STAG1: variants seen among roughly 807,000 people sequenced by gnomAD.
The protein encoded by STAG1 is cohesin subunit SA-1.
STAG1 carries 26 observed loss-of-function variants against 170.9 expected under a neutral mutation model. The ratio of observed to expected loss-of-function variants is 0.15; its 90% CI spans 0.11 to 0.21. The LOEUF (loss-of-function observed/expected upper bound fraction) is 0.21, where lower values mean the gene tolerates loss of function less well. STAG1 is among the 10% of genes least tolerant of loss of function. The pLI, the probability that STAG1 is intolerant of heterozygous loss-of-function variation, is 1.00. For missense variants in STAG1, 964 were observed against 1,509.5 expected, an observed-to-expected ratio of 0.64 and a Z score of 5.99; for synonymous variants, 514 against 497.7, an observed-to-expected ratio of 1.03 and a Z score of -0.44.
chr3:136,414,974 T>TGGA (rs1490071168), intron 21 of STAG1, among the ~76,000 whole-genome samples: 3 of 152,264 alleles, frequency 2.0e-5, no homozygotes, highest in African/African-American at 7.2e-5. Context: ...ATAACATTGA[T>TGGA]GGATTAGGTC....
At chr3:136,638,858 C>T (rs545799724) in intron 1 of STAG1, among the ~76,000 whole-genome samples, 2 of 152,114 alleles carry the variant, frequency 1.3e-5, no homozygotes, top group Non-Finnish European at 2.9e-5. Context: ...GCCAGGATCA[C>T]GCCATTGAAC....
rs569220369 is a variant in STAG1 at position 136,446,895 on chromosome 3, C to A, written c.1429-3491G>T. Reference sequence around the variant, plus strand: ...GCTCACTGCCACCTCTTGCCTCCTGCGTTCAAGCAATTCTCCTGCCTCAGC... The same window carrying A: ...GCTCACTGCCACCTCTTGCCTCCTGAGTTCAAGCAATTCTCCTGCCTCAGC... On this transcript the variant is annotated intron_variant, in intron 14 of 33. Coordinates refer to ENST00000383202, the MANE Select transcript of STAG1 (RefSeq NM_005862.3). Among the ~76,000 whole-genome samples the A allele has an allele frequency of 2.0e-5, 3 of 151,874 alleles. No homozygotes were observed. In the South Asian group the frequency reaches 6.2e-4, roughly 32 times the overall value.
At chr3:136,408,437 T>C (rs528725812) in intron 21 of STAG1, among the ~76,000 whole-genome samples, 1 of 152,134 alleles carries the variant, frequency 6.6e-6, no homozygotes, top group Admixed American at 6.5e-5. Context: ...AGAAAGGTTC[T>C]GATGTGATCC....
intron 4 of STAG1, among the ~76,000 whole-genome samples, chr3:136,583,281 G>C (rs1442008458): frequency 6.6e-6 from 1 of 151,996 alleles, no homozygotes; most frequent in African/African-American, 2.4e-5. Flanking sequence ...CTTTTTTCTA[G>C]TTTTAAGTTA....
rs758874560 is a variant in STAG1, at chr3:136,343,839, A to C, written c.3439T>G (p.Leu1147Val). The change falls in exon 30 of 34, where the codon TTA becomes GTA. Residue 1147 changes from leucine to valine, a missense_variant. Leu to Val is a conservative substitution (Grantham distance 32, BLOSUM62 1). Around this residue, in one of 11 missense-constraint regions of STAG1, gnomAD observed 122 missense variants for 129.0 expected, o/e 0.95. Coordinates refer to ENST00000383202, the MANE Select transcript of STAG1 (RefSeq NM_005862.3). Reference sequence around the variant, plus strand: ...CAAATTTTTGCTACTTACTTGTGTAAAAAGTCTGGTTCAGAACCATGTTCA... The same window carrying C: ...CAAATTTTTGCTACTTACTTGTGTACAAAGTCTGGTTCAGAACCATGTTCA... ...ESEHGSEPDFLHNPQMQISWL... is the reference protein window; with the variant it reads ...ESEHGSEPDFVHNPQMQISWL... 1 of 1,541,868 alleles carries C rather than the reference A, an allele frequency of 6.5e-7. No homozygotes were observed. Among genetic ancestry groups the C allele is most frequent in the Non-Finnish European group, 8.7e-7 (1 of 1,146,424 alleles).
chr3:136,716,402 G>A (rs1225700765), intron 1 of STAG1, among the ~76,000 whole-genome samples: 1 of 152,114 alleles, frequency 6.6e-6, no homozygotes, highest in African/African-American at 2.4e-5. Flanking sequence ...GGCAGCGGTT[G>A]CAGTGAGCCG....
At chr3:136,613,354 G>A (rs986840144) in intron 3 of STAG1, among the ~76,000 whole-genome samples, 1 of 144,552 alleles carries the variant, frequency 6.9e-6, no homozygotes, top group East Asian at 2.0e-4. Context: ...AGTTTCTGTG[G>A]TATCACATAC....
intron 1 of STAG1, among the ~76,000 whole-genome samples, chr3:136,747,788 T>C (rs1935022256): frequency 6.6e-6 from 1 of 151,728 alleles, no homozygotes; most frequent in African/African-American, 2.4e-5. Flanking sequence ...TTTTTTTTTT[T>C]TTTTTGAGAC....
intron 16 of STAG1, among the ~76,000 whole-genome samples, chr3:136,429,623 G>A (rs1445050667): frequency 1.3e-5 from 2 of 152,142 alleles, no homozygotes; most frequent in African/African-American, 4.8e-5. Flanking sequence ...TGAAATTAAA[G>A]CAAATAGTGG....
chr3:136,462,502 A>T (rs1475614313), intron 13 of STAG1, among the ~76,000 whole-genome samples: 2 of 152,140 alleles, frequency 1.3e-5, no homozygotes, highest in Non-Finnish European at 2.9e-5. Flanking sequence ...GATCTCCTGG[A>T]GGGGCAGTAG....
intron 16 of STAG1, 80 bp from the exon 17 acceptor site, chr3:136,423,124 G>A (rs1033593409): frequency 4.7e-6 from 4 of 850,688 alleles, no homozygotes; most frequent in South Asian, 2.5e-5. Context: ...ATGAAGCACT[G>A]GCAAATAATA....
At chr3:136,745,936 A>C (rs778456409) in intron 1 of STAG1, among the ~76,000 whole-genome samples, 1 of 152,240 alleles carries the variant, frequency 6.6e-6, no homozygotes, top group Non-Finnish European at 1.5e-5. Flanking sequence ...CATGGGCCAC[A>C]GGTTGGACAA....
chr3:136,485,978 T>C (rs1392568340), intron 9 of STAG1, among the ~76,000 whole-genome samples: 2 of 152,252 alleles, frequency 1.3e-5, no homozygotes, highest in African/African-American at 2.4e-5. Context: ...AATATTCTTG[T>C]ATGTTTCTCC....
intron 1 of STAG1, chr3:136,737,304 A>G (rs1229049514): frequency 2.4e-6 from 1 of 421,362 alleles, no homozygotes; most frequent in East Asian, 5.6e-5. Flanking sequence ...GGGTTTCACT[A>G]TGTTGGCCAG....
At chr3:136,552,773 A>T (rs1004959472) in intron 5 of STAG1, among the ~76,000 whole-genome samples, 5 of 152,200 alleles carry the variant, frequency 3.3e-5, no homozygotes, top group African/African-American at 1.2e-4. Flanking sequence ...ATAATCAAAA[A>T]CTGGTGTTCT....
chr3:136,667,742 C>T (rs1239866009), intron 1 of STAG1, among the ~76,000 whole-genome samples: 3 of 152,136 alleles, frequency 2.0e-5, no homozygotes, highest in Non-Finnish European at 2.9e-5. Context: ...GTGATCTGCC[C>T]GCCTTGGCCT....
At chr3:136,522,704 T>C (rs1194503667) in intron 6 of STAG1, among the ~76,000 whole-genome samples, 1 of 150,744 alleles carries the variant, frequency 6.6e-6, no homozygotes, top group Non-Finnish European at 1.5e-5. Context: ...TATCTCCTAA[T>C]GCTATTCCTC....
chr3:136,464,828 A>C, intron 13 of STAG1, 53 bp downstream of exon 13: 1 of 1,458,196 alleles, frequency 6.9e-7, no homozygotes, highest in Admixed American at 2.0e-5. Context: ...CTCTAAAACA[A>C]CAAGAAAACA....
In STAG1 at chr3:136,526,340, C is replaced by T. The variant is rs936671703; in HGVS notation, c.472-4923G>A. ...CTTCTTGTTGACTTGATCCCTTTAC[C>T]ATTATGTTATGGCCTTCTTTGTCTC... On this transcript the variant is annotated intron_variant, in intron 6 of 33. Coordinates refer to ENST00000383202, the MANE Select transcript of STAG1 (RefSeq NM_005862.3). 3.3e-5 allele frequency among the ~76,000 whole-genome samples: 5 copies of T among 152,080 alleles called. No individual in the cohort carries two copies. In the East Asian group the frequency reaches 9.6e-4, roughly 29 times the overall value.
Sources: gnomAD v4.1 joint callset for allele counts (sites outside exome capture counted in the v4.1 genomes callset) on GRCh38, gnomAD v4.1.1 for gene constraint, gnomAD v4.1.1 regional missense constraint, MANE v1.5 for transcripts, NCBI Gene and HGNC (gene_info 2026-07-23, HGNC 2026-07-21) for gene names.